Variants in PIAS4 observed in about 807,000 individuals in gnomAD.
The protein encoded by PIAS4 is protein inhibitor of activated STAT 4.
Under a neutral mutation model 58.0 loss-of-function variants are expected in PIAS4, and 7 were observed. That is an observed-to-expected ratio of 0.12 (90% CI 0.07 to 0.23). The LOEUF is 0.23. Among genes scored for constraint, PIAS4 ranks in the 10% least tolerant of loss-of-function variants. The pLI is 1.00. For missense variants in PIAS4, 550 were observed against 709.5 expected, an observed-to-expected ratio of 0.78 and a Z score of 2.55; for synonymous variants, 364 against 312.4, an observed-to-expected ratio of 1.17 and a Z score of -1.74.
rs771106134 is a variant in PIAS4 at position 4,028,598 on chromosome 19, C to G, written c.670C>G (p.Pro224Ala). The G allele has an allele frequency of 2.5e-6, 4 of 1,612,574 alleles. No individual in the cohort carries two copies. The African/African-American group carries it at 5.3e-5, about 22-fold the overall frequency. ...GGTCAACCACAGCTACTGCTCCGTC[C>G]CGGTGAGCATGCCCCGCCCCCGCGT... ...VKVNHSYCSV[P>A]GYYPSNKPGV... The change falls in exon 5 of 11, where the codon CCG becomes GCG. Residue 224 changes from proline (P) to alanine (A), a missense_variant and splice_region_variant. By Grantham distance (27) the Pro-to-Ala change is conservative. This residue lies in a region of PIAS4 where 225 missense variants were observed against 345.8 expected (regional missense o/e 0.65). Coordinates refer to ENST00000262971, the MANE Select transcript of PIAS4 (RefSeq NM_015897.4).
At chr19:4,011,403 G>T (rs978783507) in intron 1 of PIAS4, among the ~76,000 whole-genome samples, 5 of 152,184 alleles carry the variant, frequency 3.3e-5, no homozygotes. Flanking sequence ...CCCCTTCAGG[G>T]TCCTACCCCT....
chr19:4,019,976 G>A (rs2040093027), intron 2 of PIAS4, among the ~76,000 whole-genome samples: 1 of 151,808 alleles, frequency 6.6e-6, no homozygotes, highest in Non-Finnish European at 1.5e-5. Flanking sequence ...GAGTGCAGCG[G>A]CAGGATCTCA....
At chr19:4,026,073 CAAAA>C (rs34554020) in intron 3 of PIAS4, among the ~76,000 whole-genome samples, 2 of 76,792 alleles carry the variant, frequency 2.6e-5, no homozygotes, top group Non-Finnish European at 4.7e-5. Context: ...GACTCCGTCT[CAAAA>C]AAAAAAAAAA....
At chr19:4,015,848 G>A (rs753101701) in intron 2 of PIAS4, among the ~76,000 whole-genome samples, 2 of 152,240 alleles carry the variant, frequency 1.3e-5, no homozygotes. Flanking sequence ...GATGGAGACC[G>A]CGCCAGGCGG....
In PIAS4 at chr19:4,037,142, G is replaced by T. The variant is rs1162143145; in HGVS notation, c.1143-232G>T. Among the ~76,000 whole-genome samples, 2 of 152,214 alleles carry T rather than the reference G, an allele frequency of 1.3e-5. No individual in the cohort carries two copies. The highest frequency in any genetic ancestry group is 3.8e-4 in the East Asian group (2 of 5,202). Reference sequence around the variant, plus strand: ...CACTGGGTATGTGTGTCCATGCCCCGTCCCCCCGGCAGTGCCGTGCACTGC... The same window carrying T: ...CACTGGGTATGTGTGTCCATGCCCCTTCCCCCCGGCAGTGCCGTGCACTGC... On this transcript the variant is annotated intron_variant, in intron 9 of 10. Coordinates refer to ENST00000262971, the MANE Select transcript of PIAS4 (RefSeq NM_015897.4). This position sits in a 1 kb window ranked among gnomAD's most constrained non-coding sequence, Gnocchi z 5.8.
At position 4,028,692 on chromosome 19, in the gene PIAS4, C is replaced by G. The variant is rs10418588; in HGVS notation, c.673-28C>G. ...TCGGATTTCCCAGCCGCTCTTGGCTCGAGGCTGAGCGGCCCATCTGCTTGC... is the reference window on the plus strand; with the variant it reads ...TCGGATTTCCCAGCCGCTCTTGGCTGGAGGCTGAGCGGCCCATCTGCTTGC... On this transcript the variant is annotated intron_variant, in intron 5 of 10. Transcript: ENST00000262971. 0.05 allele frequency: 80,474 copies of G among 1,602,856 alleles called. 16,570 individuals carry two copies. In the African/African-American group the frequency reaches 0.65, roughly 13 times the overall value.
chr19:4,037,327 G>T lies in PIAS4; in HGVS notation c.1143-47G>T, dbSNP rs765280630. On this transcript the variant is annotated intron_variant, in intron 9 of 10. Transcript: ENST00000262971. This position sits in a 1 kb window ranked among gnomAD's most constrained non-coding sequence, Gnocchi z 5.8. ...GGGATGGAGGGCTGGGGAGTTGGGG[G>T]GGTGGGGCACCTCCAGCCCCGGCGT... 2.6e-6 allele frequency: 4 copies of T among 1,567,656 alleles called. No homozygotes were observed. In the Admixed American group the frequency reaches 7.1e-5, roughly 28 times the overall value.
At chr19:4,030,476 A>G (rs1349185342) in intron 7 of PIAS4, among the ~76,000 whole-genome samples, 11 of 151,986 alleles carry the variant, frequency 7.2e-5, no homozygotes, top group Non-Finnish European at 1.5e-4. Flanking sequence ...AAAATTAGCC[A>G]GGCGTGGTGG....
At position 4,037,244 on chromosome 19, in the gene PIAS4, C is replaced by A; in HGVS notation, c.1143-130C>A. ...TGCGGGGTCCCTGGACCCCTGCGGT[C>A]GGGGTGGTGAGGCTGCTCTTGCAGA... is the stretch of plus-strand genomic sequence containing the variant. On this transcript the variant is annotated intron_variant, in intron 9 of 10. Coordinates refer to ENST00000262971, the MANE Select transcript of PIAS4 (RefSeq NM_015897.4). The surrounding 1 kb of genome is among the most constrained non-coding windows in gnomAD (Gnocchi z 5.8). The A allele has an allele frequency of 8.6e-7, 1 of 1,160,972 alleles. No individual in the cohort carries two copies. The highest frequency in any genetic ancestry group is 1.6e-5 in the South Asian group (1 of 64,228). The allele number at this position is 1,160,972 out of a possible 1,614,324, so 71.9% of individuals were successfully genotyped here.
At position 4,028,800 on chromosome 19, in the gene PIAS4, G is replaced by C. The variant is rs755908472; in HGVS notation, c.753G>C (p.Leu251=). 1.7e-5 allele frequency: 27 copies of C among 1,613,452 alleles called. No homozygotes were observed. The Admixed American group carries it at 3.0e-4, about 18-fold the overall frequency. ...RPINLTHLMY[L]SSATNRITVT... is the part of the protein sequence containing the mutation. Reference sequence around the variant, plus strand: ...TCAACCTCACCCACCTCATGTACCTGTCCTCGGCCACCAACCGCATCACTG... The same window carrying C: ...TCAACCTCACCCACCTCATGTACCTCTCCTCGGCCACCAACCGCATCACTG... The change falls in exon 6 of 11, where the codon CTG becomes CTC. Residue 251 remains leucine (L), a synonymous_variant. Transcript: ENST00000262971.
intron 1 of PIAS4, among the ~76,000 whole-genome samples, chr19:4,011,556 C>T (rs111572291): frequency 0.074 from 11,232 of 152,336 alleles, 587 homozygotes; most frequent in South Asian, 0.18. Context: ...TCGCTTTGAC[C>T]CAGGTCCTGC....
chr19:4,031,530 T>A (rs1029003012), intron 7 of PIAS4, among the ~76,000 whole-genome samples: 1 of 152,104 alleles, frequency 6.6e-6, no homozygotes, highest in African/African-American at 2.4e-5. Context: ...AAGGGCCCTT[T>A]TTTCAACCGC....
At chr19:4,029,811 ATTTTTTTTTTTTT>A (rs1172132330) in intron 7 of PIAS4, among the ~76,000 whole-genome samples, 2 of 55,044 alleles carry the variant, frequency 3.6e-5, no homozygotes, top group South Asian at 1.1e-3. Flanking sequence ...CACCCAACTA[ATTTTTTTTTTTTT>A]TTTTTTTTTT....
At chr19:4,011,036 GA>G (rs1348180033) in intron 1 of PIAS4, among the ~76,000 whole-genome samples, 3 of 152,242 alleles carry the variant, frequency 2.0e-5, no homozygotes, top group Admixed American at 2.0e-4. Flanking sequence ...CTTTGGTGCT[GA>G]AATGTGCGGC....
rs1159132164 is a variant in PIAS4 at position 4,038,087 on chromosome 19, AAG to A, written c.*214_*215del. ...TAAAATGACAAAAAAAGATACAAAA[AAG>A]AAAAATGAAACAAAAAAGTCAAACT... On this transcript the variant is annotated 3_prime_UTR_variant, in exon 11 of 11. Coordinates refer to ENST00000262971, the MANE Select transcript of PIAS4 (RefSeq NM_015897.4). The surrounding 1 kb of genome is among the most constrained non-coding windows in gnomAD (Gnocchi z 4.1). The A allele has an allele frequency of 3.6e-6, 2 of 554,480 alleles. No homozygotes were observed. Among genetic ancestry groups the A allele is most frequent in the South Asian group, 2.5e-5 (1 of 39,278 alleles). 34.3% of individuals were successfully genotyped at this position (554,480 alleles called of 1,614,324 possible).
intron 1 of PIAS4, among the ~76,000 whole-genome samples, chr19:4,011,755 G>C (rs2039996135): frequency 3.1e-5 from 1 of 32,288 alleles, no homozygotes; most frequent in Non-Finnish European, 6.5e-5. Context: ...GTGTGGAGGT[G>C]TGTGGGGTGT....
intron 1 of PIAS4, among the ~76,000 whole-genome samples, chr19:4,010,817 A>C (rs544552547): frequency 1.3e-5 from 2 of 152,332 alleles, no homozygotes; most frequent in South Asian, 4.1e-4. Flanking sequence ...TGGCATCCCG[A>C]TTCTTTACAG....
rs1043782603 is a variant in PIAS4, at chr19:4,013,847, C to G, written c.454+498C>G. On this transcript the variant is annotated intron_variant, in intron 2 of 10. Transcript: ENST00000262971. This position sits in a 1 kb window ranked among gnomAD's most constrained non-coding sequence, Gnocchi z 5.1. The stretch of plus-strand genomic sequence containing the variant: ...CCCTCACCCTAGGGTAGCGAGTGTG[C>G]ACCTCCAAGCTGGGAGCTGGAGCCC... 2.6e-5 allele frequency among the ~76,000 whole-genome samples: 4 copies of G among 152,156 alleles called. No individual in the cohort carries two copies. Among genetic ancestry groups the G allele is most frequent in the African/African-American group, 9.7e-5 (4 of 41,434 alleles).
rs1019166052 is a variant in PIAS4, at chr19:4,038,205, G to A, written c.*330G>A. 3 of 285,154 alleles carry A rather than the reference G, an allele frequency of 1.1e-5. No homozygotes were observed. Among genetic ancestry groups the A allele is most frequent in the Non-Finnish European group, 2.0e-5 (3 of 152,492 alleles). 17.7% of individuals were successfully genotyped at this position (285,154 alleles called of 1,614,324 possible). A position where few individuals can be genotyped will look rare whatever the true frequency, so the allele number is the denominator to read the frequency against. On this transcript the variant is annotated 3_prime_UTR_variant, in exon 11 of 11. Coordinates refer to ENST00000262971, the MANE Select transcript of PIAS4 (RefSeq NM_015897.4). This position sits in a 1 kb window ranked among gnomAD's most constrained non-coding sequence, Gnocchi z 4.1. ...AGTGGGCGGGAGGGACCAGGACGCC[G>A]CCCCGCGCCCTCCCCTCCGGATGCC...
Sources: allele counts gnomAD v4.1 joint callset (sites outside exome capture counted in the v4.1 genomes callset), GRCh38; gene constraint gnomAD v4.1.1; regional missense constraint gnomAD v4.1.1; non-coding constraint Gnocchi (gnomAD v3.1); transcripts MANE v1.5; gene names NCBI Gene and HGNC (gene_info 2026-07-23, HGNC 2026-07-21).